The following ZNF423 variants were observed in gnomAD, a reference collection of about 807,000 sequenced individuals.
ZNF423 encodes the protein Ebf-associated zinc finger protein.
ZNF423 carries 12 observed loss-of-function variants against 95.8 expected under a neutral mutation model. That is an observed-to-expected ratio of 0.13 (90% confidence interval 0.08 to 0.20). ZNF423 has a LOEUF of 0.20. ZNF423 is among the 10% of genes least tolerant of loss of function. ZNF423 has a pLI of 1.00. For synonymous variants in ZNF423, 749 were observed against 711.9 expected (o/e 1.05, Z -0.83); for missense variants, 1,316 against 1,737.1 (o/e 0.76, Z 4.31).
Position 49,756,187 on chromosome 16 carries a change from TTGC to T in ZNF423, c.101-25219_101-25217del, listed in dbSNP as rs2033723584. Among the ~76,000 whole-genome samples the T allele has an allele frequency of 2.6e-5, 4 of 152,232 alleles. No individual in the cohort carries two copies. The South Asian group carries it at 8.3e-4, about 32-fold the overall frequency. ...AGAGACAAGGGTTTTCAAAACGGAC[TTGC>T]TGTTTTGAATCCTGGGGGCAGCCTG... On this transcript the variant is annotated intron_variant, in intron 2 of 7. Transcript: ENST00000563137.
At chr16:49,783,705 G>A (rs1597004353) in intron 2 of ZNF423, among the ~76,000 whole-genome samples, 1 of 152,108 alleles carries the variant, frequency 6.6e-6, no homozygotes, top group East Asian at 1.9e-4. Context: ...TGGTAGGAGG[G>A]AGGTCAAAGG....
chr16:49,599,044 G>C (rs1971272622), intron 5 of ZNF423, among the ~76,000 whole-genome samples: 1 of 152,188 alleles, frequency 6.6e-6, no homozygotes, highest in South Asian at 2.1e-4. Context: ...CTTCACACCA[G>C]GCACCCCGGG....
At chr16:49,542,340 C>T (rs1414899717) in intron 5 of ZNF423, among the ~76,000 whole-genome samples, 4 of 152,198 alleles carry the variant, frequency 2.6e-5, no homozygotes, top group African/African-American at 7.2e-5. Context: ...CTGAGTGTCC[C>T]GGTGGCCTCA....
chr16:49,787,689 G>A (rs534197580), intron 2 of ZNF423, among the ~76,000 whole-genome samples: 265 of 152,224 alleles, frequency 1.7e-3, no homozygotes, highest in African/African-American at 6.3e-3. Flanking sequence ...TGCAGCTGGG[G>A]TGCTTGACAC....
chr16:49,636,394 G>C lies in ZNF423; in HGVS notation c.2782C>G (p.Arg928Gly), dbSNP rs201335350. The change falls in exon 4 of 8, where the codon CGC becomes GGC. Residue 928 changes from arginine to glycine, a missense_variant. This residue lies in a region of ZNF423 where 620 missense variants were observed against 775.6 expected (regional missense o/e 0.80). Transcript: ENST00000563137. This position sits in a 1 kb window ranked among gnomAD's most constrained non-coding sequence, Gnocchi z 8.6. Reference sequence around the variant, plus strand: ...CCCTTGATAAACTCAGCCTTCTTGCGTGAGCCATCATCCTCGCCCGGCCGG... The same window carrying C: ...CCCTTGATAAACTCAGCCTTCTTGCCTGAGCCATCATCCTCGCCCGGCCGG... Reference protein sequence around the residue: ...NIRPGEDDGSRKKAEFIKGSH... With the variant: ...NIRPGEDDGSGKKAEFIKGSH... 6.2e-6 allele frequency: 10 copies of C among 1,613,200 alleles called. No individual in the cohort carries two copies. In the South Asian group the frequency reaches 1.1e-4, roughly 18 times the overall value.
chr16:49,612,356 T>C (rs1200701909), intron 5 of ZNF423, among the ~76,000 whole-genome samples: 1 of 142,812 alleles, frequency 7.0e-6, no homozygotes, highest in African/African-American at 2.6e-5. Flanking sequence ...GTCAATATAA[T>C]CCACCATATT....
intron 1 of ZNF423, chr16:49,827,008 T>A (rs1195112215): frequency 1.3e-5 from 2 of 152,240 alleles, no homozygotes; most frequent in African/African-American, 4.8e-5. Context: ...TTTGATTTTC[T>A]TCTCTATAGT....
chr16:49,514,185 A>AAC (rs10597628), intron 7 of ZNF423, among the ~76,000 whole-genome samples: 6,477 of 142,896 alleles, frequency 0.045, 211 homozygotes, highest in African/African-American at 0.085. Context: ...CTGACCACCC[A>AAC]ACACACACAC....
At chr16:49,857,680 T>C (rs1425625505), upstream of ZNF423, 1 of 152,268 alleles carries the variant, frequency 6.6e-6, no homozygotes, top group Non-Finnish European at 1.5e-5. This position sits in a 1 kb window ranked among gnomAD's most constrained non-coding sequence, Gnocchi z 6.2. Context: ...ACACCCTTAT[T>C]TGTAGAATTC....
chr16:49,622,543 C>G (rs1010728878), intron 5 of ZNF423, among the ~76,000 whole-genome samples: 6 of 152,222 alleles, frequency 3.9e-5, no homozygotes, highest in African/African-American at 1.4e-4. Context: ...AACGTCCCCC[C>G]TCTTCATCCT....
chr16:49,644,865 G>GGCCAAGTAGA (rs1973118819), intron 3 of ZNF423, among the ~76,000 whole-genome samples: 1 of 152,020 alleles, frequency 6.6e-6, no homozygotes, highest in South Asian at 2.1e-4. Context: ...GCAAAGGAGA[G>GGCCAAGTAGA]GCCAAGTAGA....
rs142058375 is a variant in ZNF423 at position 49,611,401 on chromosome 16, A to G, written c.3601+14769T>C. On this transcript the variant is annotated intron_variant, in intron 5 of 7. Transcript: ENST00000563137. ...CTATACGACGTACCTCTAAATAATC[A>G]TGGATCAAAGAGGAAGCTCATGGGA... 1.8e-4 allele frequency among the ~76,000 whole-genome samples: 28 copies of G among 152,180 alleles called. 1 individual carries two copies. In the East Asian group the frequency reaches 5.0e-3, roughly 27 times the overall value.
In ZNF423 at chr16:49,675,947, C is replaced by T. The variant is rs116132792; in HGVS notation, c.302-37073G>A. On this transcript the variant is annotated intron_variant, in intron 3 of 7. Coordinates refer to ENST00000563137, the MANE Select transcript of ZNF423 (RefSeq NM_001379286.1). Reference sequence around the variant, plus strand: ...ACTGTGCAGAGGTGTGCAACATCCACGCACACACGCACCTGCATACATATG... The same window carrying T: ...ACTGTGCAGAGGTGTGCAACATCCATGCACACACGCACCTGCATACATATG... 4.2e-3 allele frequency among the ~76,000 whole-genome samples: 639 copies of T among 152,328 alleles called. 7 individuals carry two copies. Among genetic ancestry groups the T allele is most frequent in the African/African-American group, 0.014 (600 of 41,572 alleles).
At chr16:49,557,096 T>G (rs1320005632) in intron 5 of ZNF423, among the ~76,000 whole-genome samples, 1 of 152,194 alleles carries the variant, frequency 6.6e-6, no homozygotes, top group Non-Finnish European at 1.5e-5. Flanking sequence ...TGAGGCTGGA[T>G]GATCAAAAAG....
intron 1 of ZNF423, among the ~76,000 whole-genome samples, chr16:49,826,460 A>C (rs2035006220): frequency 6.6e-6 from 1 of 151,910 alleles, no homozygotes. Flanking sequence ...TTCAACCTTA[A>C]CTCCTGCCCA....
chr16:49,754,750 G>T (rs1441103164), intron 2 of ZNF423, among the ~76,000 whole-genome samples: 1 of 152,230 alleles, frequency 6.6e-6, no homozygotes, highest in African/African-American at 2.4e-5. Flanking sequence ...ACTGCTTAAT[G>T]AGGAAAGCAA....
chr16:49,664,593 G>A (rs1197820620), intron 3 of ZNF423, among the ~76,000 whole-genome samples: 1 of 148,536 alleles, frequency 6.7e-6, no homozygotes, highest in Non-Finnish European at 1.5e-5. Context: ...CAGAAAGGGA[G>A]CAAGGGGTCT....
chr16:49,603,600 C>T lies in ZNF423; in HGVS notation c.3601+22570G>A, dbSNP rs1256066243. ...AATTTTTGTGTTTTTAGTAGAGACGCGGTTTCACCATGTTGGCCAGGCTGG... is the reference window on the plus strand; with the variant it reads ...AATTTTTGTGTTTTTAGTAGAGACGTGGTTTCACCATGTTGGCCAGGCTGG... On this transcript the variant is annotated intron_variant, in intron 5 of 7. Coordinates refer to ENST00000563137, the MANE Select transcript of ZNF423 (RefSeq NM_001379286.1). The surrounding 1 kb of genome is among the most constrained non-coding windows in gnomAD (Gnocchi z 4.1). Among the ~76,000 whole-genome samples, 1 of 151,948 alleles carries T rather than the reference C, an allele frequency of 6.6e-6. No individual in the cohort carries two copies. The highest frequency in any genetic ancestry group is 2.4e-5 in the African/African-American group (1 of 41,368).
At chr16:49,799,303 C>T (rs2034545753) in intron 1 of ZNF423, among the ~76,000 whole-genome samples, 1 of 152,166 alleles carries the variant, frequency 6.6e-6, no homozygotes, top group South Asian at 2.1e-4. Flanking sequence ...AATTCAAGCT[C>T]CCCTTCTCCC....
Sources: gnomAD v4.1 joint callset for allele counts (sites outside exome capture counted in the v4.1 genomes callset) on GRCh38, gnomAD v4.1.1 for gene constraint, gnomAD v4.1.1 regional missense constraint, Gnocchi (gnomAD v3.1) non-coding constraint, MANE v1.5 for transcripts, NCBI Gene and HGNC (gene_info 2026-07-23, HGNC 2026-07-21) for gene names.